N4BP1: variants seen among roughly 807,000 people sequenced by gnomAD.
N4BP1 encodes the protein NEDD4 binding protein 1.
N4BP1 carries 21 observed loss-of-function variants against 70.9 expected under a neutral mutation model. That is an observed-to-expected ratio of 0.30 (90% CI 0.21 to 0.43). The LOEUF is 0.43. Among genes scored for constraint, N4BP1 ranks in the 20% least tolerant of loss-of-function variants. The pLI is 1.00. For missense variants in N4BP1, 936 were observed against 1,069.4 expected, an observed-to-expected ratio of 0.88 and a Z score of 1.74; for synonymous variants, 387 against 394.6, an observed-to-expected ratio of 0.98 and a Z score of 0.23.
At chr16:48,560,371 T>G (rs911251138) in intron 2 of N4BP1, among the ~76,000 whole-genome samples, 2 of 126,820 alleles carry the variant, frequency 1.6e-5, no homozygotes, top group African/African-American at 3.5e-5. Context: ...TCCAGCATAA[T>G]AAGATAAAAA....
chr16:48,543,280 C>T lies in N4BP1; in HGVS notation c.2334-19G>A. Reference sequence around the variant, plus strand: ...CATATCTCTGTGAATGGAAGTGAGTCCTGGTGAGTTGGGTTATAAGTAAAC... The same window carrying T: ...CATATCTCTGTGAATGGAAGTGAGTTCTGGTGAGTTGGGTTATAAGTAAAC... On this transcript the variant is annotated intron_variant, in intron 6 of 6. Transcript: ENST00000262384. The T allele has an allele frequency of 1.3e-6, 2 of 1,491,056 alleles. No individual in the cohort carries two copies. The highest frequency in any genetic ancestry group is 1.8e-6 in the Non-Finnish European group (2 of 1,119,336). 92.4% of individuals were successfully genotyped at this position (1,491,056 alleles called of 1,614,324 possible). A position where few individuals can be genotyped will look rare whatever the true frequency, so the allele number is the denominator to read the frequency against.
intron 1 of N4BP1, among the ~76,000 whole-genome samples, chr16:48,585,527 A>G (rs559285858): frequency 2.0e-5 from 3 of 151,900 alleles, no homozygotes; most frequent in African/African-American, 7.2e-5. Flanking sequence ...AAATAAAATT[A>G]TAATAGTAAC....
chr16:48,563,317 TG>T (rs1362335613), intron 1 of N4BP1, among the ~76,000 whole-genome samples: 1 of 151,978 alleles, frequency 6.6e-6, no homozygotes, highest in African/African-American at 2.4e-5. Context: ...ATCATGTCAC[TG>T]CATTCCAGCC....
At chr16:48,576,685 C>A (rs764225507) in intron 1 of N4BP1, among the ~76,000 whole-genome samples, 10 of 152,186 alleles carry the variant, frequency 6.6e-5, no homozygotes, top group Non-Finnish European at 1.5e-4. Flanking sequence ...TCCTCCATTT[C>A]ATCTAAAAAT....
chr16:48,603,615 C>G (rs1419904388), intron 1 of N4BP1: 1 of 152,250 alleles, frequency 6.6e-6, no homozygotes, highest in Non-Finnish European at 1.5e-5. Context: ...GCCATCTCCT[C>G]TACTTTCTCA....
At chr16:48,554,213 C>T (rs1192496646) in intron 2 of N4BP1, among the ~76,000 whole-genome samples, 2 of 151,376 alleles carry the variant, frequency 1.3e-5, no homozygotes, top group African/African-American at 4.9e-5. Context: ...ACAACAACAA[C>T]AACAATGAAC....
chr16:48,560,272 A>G (rs1215186873), intron 2 of N4BP1, among the ~76,000 whole-genome samples: 4 of 152,212 alleles, frequency 2.6e-5, no homozygotes, highest in African/African-American at 9.7e-5. Context: ...CAAAGTGACT[A>G]CTTTTGAAAG....
At chr16:48,595,545 C>CAA (rs985506667) in intron 1 of N4BP1, among the ~76,000 whole-genome samples, 1 of 147,132 alleles carries the variant, frequency 6.8e-6, no homozygotes, top group African/African-American at 2.5e-5. Context: ...TTCTTGTAAA[C>CAA]AAAATTTGAA....
At chr16:48,554,684 C>CA (rs1963725457) in intron 2 of N4BP1, among the ~76,000 whole-genome samples, 2 of 152,226 alleles carry the variant, frequency 1.3e-5, no homozygotes. Context: ...CCTGCATCTT[C>CA]AGTCCTATCT....
chr16:48,552,672 T>C (rs1963688580), intron 3 of N4BP1, among the ~76,000 whole-genome samples: 1 of 115,064 alleles, frequency 8.7e-6, no homozygotes, highest in East Asian at 3.0e-4. Flanking sequence ...CACTCCAGCC[T>C]GAGCGACAGA....
intron 1 of N4BP1, among the ~76,000 whole-genome samples, chr16:48,592,545 T>C (rs1964353759): frequency 6.6e-6 from 1 of 152,194 alleles, no homozygotes; most frequent in Non-Finnish European, 1.5e-5. Flanking sequence ...GTATGTGTTG[T>C]GTGTGATGTT....
intron 1 of N4BP1, among the ~76,000 whole-genome samples, chr16:48,609,524 C>T (rs1872653): frequency 6.6e-6 from 1 of 152,336 alleles, no homozygotes; most frequent in African/African-American, 2.4e-5. Context: ...CACTTTCATC[C>T]TCGCGACAGC....
chr16:48,550,329 A>G (rs1366922684), intron 4 of N4BP1, among the ~76,000 whole-genome samples: 1 of 152,020 alleles, frequency 6.6e-6, no homozygotes, highest in Non-Finnish European at 1.5e-5. Context: ...CCTTACCAAC[A>G]TAGTGAAACC....
chr16:48,575,033 T>C (rs969038515), intron 1 of N4BP1, among the ~76,000 whole-genome samples: 1 of 152,210 alleles, frequency 6.6e-6, no homozygotes, highest in African/African-American at 2.4e-5. Context: ...AAAATGCTTA[T>C]GACTGCTTCA....
At chr16:48,562,534 A>C (rs1963877561) in intron 1 of N4BP1, 90 bp from the exon 2 acceptor site, 2 of 1,041,798 alleles carry the variant, frequency 1.9e-6, no homozygotes, top group Non-Finnish European at 2.7e-6. Context: ...TGTCAGGCCG[A>C]TTTTATAAAA....
intron 1 of N4BP1, among the ~76,000 whole-genome samples, chr16:48,565,192 A>G (rs1963922696): frequency 2.0e-5 from 3 of 152,180 alleles, no homozygotes; most frequent in Admixed American, 6.5e-5. Flanking sequence ...GTACAGCACT[A>G]TGTTGGCGAG....
At chr16:48,604,059 G>GT (rs1184577180) in intron 1 of N4BP1, among the ~76,000 whole-genome samples, 1 of 152,224 alleles carries the variant, frequency 6.6e-6, no homozygotes, top group Non-Finnish European at 1.5e-5. Context: ...AAGTGACACT[G>GT]TAAGTTCATA....
chr16:48,567,369 C>A (rs1004765394), intron 1 of N4BP1, among the ~76,000 whole-genome samples: 1 of 152,180 alleles, frequency 6.6e-6, no homozygotes, highest in Non-Finnish European at 1.5e-5. Flanking sequence ...GGCTTGAGTG[C>A]AGTGGCACGC....
intron 1 of N4BP1, among the ~76,000 whole-genome samples, chr16:48,605,279 C>T (rs1055719313): frequency 1.3e-5 from 2 of 152,146 alleles, no homozygotes; most frequent in African/African-American, 2.4e-5. Context: ...GATCAGACCA[C>T]TCGGCATCCC....
Sources: allele counts gnomAD v4.1 joint callset (sites outside exome capture counted in the v4.1 genomes callset), GRCh38; gene constraint gnomAD v4.1.1; transcripts MANE v1.5; gene names NCBI Gene and HGNC (gene_info 2026-07-23, HGNC 2026-07-21).